CELSR3: variants seen among roughly 807,000 people sequenced by gnomAD.
CELSR3 encodes cadherin EGF LAG seven-pass G-type receptor 3, also known as EGF-like protein 1.
Under a neutral mutation model 270.0 loss-of-function variants are expected in CELSR3, and 73 were observed. The observed-to-expected ratio is 0.27, with a 90% CI of 0.22 to 0.33. The LOEUF is 0.33. Among genes scored for constraint, CELSR3 ranks in the 10% least tolerant of loss-of-function variants. The pLI is 1.00. For missense variants in CELSR3, 3,614 were observed against 4,533.8 expected, an observed-to-expected ratio of 0.80 and a Z score of 5.83; for synonymous variants, 1,780 against 1,905.4, an observed-to-expected ratio of 0.93 and a Z score of 1.71.
intron 17 of CELSR3, 31 bp from the exon 18 acceptor site, chr3:48,648,959 G>A: frequency 1.9e-6 from 3 of 1,608,786 alleles, no homozygotes; most frequent in Non-Finnish European, 2.5e-6. Flanking sequence ...TTGCTCTGTG[G>A]TCCCTTAGGC....
At position 48,642,854 on chromosome 3, in the gene CELSR3, A is replaced by G. The variant is rs2047041809; in HGVS notation, c.8437T>C (p.Phe2813Leu). The part of the protein sequence containing the change: ...GPGAYNNTAL[F>L]EESGLIRITL... ...ATGCGGATGAGGCCACTCTCCTCAA[A>G]GAGAGCCGTGTTGTTGTAGGCCCCA... The change falls in exon 30 of 35, where the codon TTT (phenylalanine) becomes CTT (leucine). Residue 2813 changes from phenylalanine (F) to leucine (L), a missense_variant. Around this residue, in one of 7 missense-constraint regions of CELSR3, gnomAD observed 1,240 missense variants for 1,351.7 expected, o/e 0.92. Transcript: ENST00000164024. The surrounding 1 kb of genome is among the most constrained non-coding windows in gnomAD (Gnocchi z 6.1). The G allele has an allele frequency of 3.7e-6, 6 of 1,613,092 alleles. No individual in the cohort carries two copies. The highest frequency in any genetic ancestry group is 5.1e-6 in the Non-Finnish European group (6 of 1,179,952).
chr3:48,661,287 A>G lies in CELSR3; in HGVS notation c.1348T>C (p.Tyr450His). Reference sequence around the variant, plus strand: ...GTGGCACGCAGCTGCAGGATAGGGTAGCCCTCCTCCACATTCTCGCGAAGG... The same window carrying G: ...GTGGCACGCAGCTGCAGGATAGGGTGGCCCTCCTCCACATTCTCGCGAAGG... ...ETLRENVEEG[Y>H]PILQLRATDG... Residue 450 changes from tyrosine to histidine, a missense_variant, in exon 1 of 35, where the codon TAC (tyrosine) becomes CAC (histidine). Physicochemically the swap from Tyr to His is moderately conservative, Grantham distance 83. Around this residue, in one of 7 missense-constraint regions of CELSR3, gnomAD observed 354 missense variants for 500.9 expected, o/e 0.71. Transcript: ENST00000164024. 6.2e-7 allele frequency: 1 copy of G among 1,613,298 alleles called. No homozygotes were observed. The highest frequency in any genetic ancestry group is 8.5e-7 in the Non-Finnish European group (1 of 1,179,728).
In CELSR3 at chr3:48,641,442, G is replaced by T; in HGVS notation, c.8907C>A (p.Gly2969=). 6.2e-7 allele frequency: 1 copy of T among 1,612,460 alleles called. No individual in the cohort carries two copies. Among genetic ancestry groups the T allele is most frequent in the Non-Finnish European group, 8.5e-7 (1 of 1,179,724 alleles). Residue 2969 remains glycine (G), a synonymous_variant, in exon 33 of 35, where the codon GGC becomes GGA. Coordinates refer to ENST00000164024, the MANE Select transcript of CELSR3 (RefSeq NM_001407.3). This position sits in a 1 kb window ranked among gnomAD's most constrained non-coding sequence, Gnocchi z 4.8. ...TGTCCAGCCCCAGGCGCCTTTCAGA[G>T]CCCCAAGTCTGCAGAGCACAGGGGG... ...EAAPCALQTW[G]SERRLGLDTS...
At position 48,657,344 on chromosome 3, in the gene CELSR3, GC is replaced by G; in HGVS notation, c.3752del (p.Gly1251AlafsTer5). On this transcript the variant is annotated frameshift_variant, in exon 2 of 35. Transcript: ENST00000164024. LOFTEE classifies it high-confidence loss of function. The surrounding 1 kb of genome is among the most constrained non-coding windows in gnomAD (Gnocchi z 5.4). ...CACACTGCGCCGTCACGCTGTGCAGGCCATCTGCAGGCGGGGGCAGGGGCAG... is the reference window on the plus strand; with the variant it reads ...CACACTGCGCCGTCACGCTGTGCAGGCATCTGCAGGCGGGGGCAGGGGCAG... ...VASMLVTVTD[G>X]LHSVTAQCVL... 6.3e-7 allele frequency: 1 copy of G among 1,591,184 alleles called. No individual in the cohort carries two copies. Among genetic ancestry groups the G allele is most frequent in the South Asian group, 1.1e-5 (1 of 88,714 alleles).
At position 48,648,334 on chromosome 3, in the gene CELSR3, G is replaced by C. The variant is rs866612323; in HGVS notation, c.6905C>G (p.Ala2302Gly). The change falls in exon 19 of 35, where the codon GCA (alanine) becomes GGA (glycine). Residue 2302 changes from alanine (A) to glycine (G), a missense_variant. Transcript: ENST00000164024. ...AGLVRHLEEYAATLARNMELT... is the reference protein window; with the variant it reads ...AGLVRHLEEYGATLARNMELT... ...TTCCATATTCCTTGCGAGTGTGGCT[G>C]CATACTCCTCCAGGTGCCTCACCAG... The C allele has an allele frequency of 1.9e-6, 3 of 1,612,136 alleles. No homozygotes were observed. The African/African-American group carries it at 4.0e-5, about 22-fold the overall frequency.
In CELSR3 at chr3:48,640,493, C is replaced by G. The variant is rs1343083290; in HGVS notation, c.9092G>C (p.Trp3031Ser). The G allele has an allele frequency of 5.0e-6, 8 of 1,611,098 alleles. No homozygotes were observed. The highest frequency in any genetic ancestry group is 6.8e-6 in the Non-Finnish European group (8 of 1,179,290). ...GTGGCCCAAGGTGGCTGCACGGCAC[C>G]AGGACAGCTCAGGGGCACCTCGGGT... ...PQTRGAPELS[W>S]CRAATLGHRA... The change falls in exon 34 of 35, where the codon TGG becomes TCG. Residue 3031 changes from tryptophan to serine, a missense_variant. Transcript: ENST00000164024. This position sits in a 1 kb window ranked among gnomAD's most constrained non-coding sequence, Gnocchi z 7.5.
Position 48,641,431 on chromosome 3 carries a change from C to T in CELSR3, c.8918G>A (p.Arg2973His), listed in dbSNP as rs201433524. ...ATCCTTGCTGGTGTCCAGCCCCAGG[C>T]GCCTTTCAGAGCCCCAAGTCTGCAG... ...CALQTWGSER[R>H]LGLDTSKDAA... The change falls in exon 33 of 35, where the codon CGC becomes CAC. Residue 2973 changes from arginine to histidine, a missense_variant. Coordinates refer to ENST00000164024, the MANE Select transcript of CELSR3 (RefSeq NM_001407.3). This position sits in a 1 kb window ranked among gnomAD's most constrained non-coding sequence, Gnocchi z 4.8. 51 of 1,612,498 alleles carry T rather than the reference C, an allele frequency of 3.2e-5. No homozygotes were observed. The highest frequency in any genetic ancestry group is 3.3e-5 in the Admixed American group (2 of 60,016).
rs2047055751 is a variant in CELSR3 at position 48,644,107 on chromosome 3, C to A, written c.8165+109G>T. ...GGCAGGTGTGACTTCATTCCTTCAT[C>A]TAGAACTTGGAGCCCAACCTGCACC... On this transcript the variant is annotated intron_variant, in intron 27 of 34. Transcript: ENST00000164024. The surrounding 1 kb of genome is among the most constrained non-coding windows in gnomAD (Gnocchi z 4.8). 2 of 880,594 alleles carry A rather than the reference C, an allele frequency of 2.3e-6. No individual in the cohort carries two copies. Among genetic ancestry groups the A allele is most frequent in the Non-Finnish European group, 3.6e-6 (2 of 552,254 alleles). The allele number at this position is 880,594 out of a possible 1,614,324, so 54.5% of individuals were successfully genotyped here. A position where few individuals can be genotyped will look rare whatever the true frequency, so the allele number is the denominator to read the frequency against.
At chr3:48,648,071 G>A (rs561882139) in intron 19 of CELSR3, 75 bp from the exon 20 acceptor site, 61 of 1,552,498 alleles carry the variant, frequency 3.9e-5, no homozygotes, top group Middle Eastern at 1.7e-4. Context: ...CCTCTTACTC[G>A]CATCCCGCAC....
chr3:48,653,781 G>A lies in CELSR3; in HGVS notation c.5286C>T (p.Ala1762=). ...CGTTGCCACGGAAATGGTGGGGATGGGCCATAGCTGAGTGGATAAGAGAAA... is the reference window on the plus strand; with the variant it reads ...CGTTGCCACGGAAATGGTGGGGATGAGCCATAGCTGAGTGGATAAGAGAAA... The part of the protein sequence containing the change: ...FGGKDCQLTM[A]HPHHFRGNGT... The change falls in exon 9 of 35, where the codon GCC becomes GCT. Residue 1762 remains alanine, a synonymous_variant. Transcript: ENST00000164024. The surrounding 1 kb of genome is among the most constrained non-coding windows in gnomAD (Gnocchi z 6.5). The A allele has an allele frequency of 6.2e-7, 1 of 1,614,122 alleles. No individual in the cohort carries two copies. Among genetic ancestry groups the A allele is most frequent in the East Asian group, 2.2e-5 (1 of 44,884 alleles).
Position 48,639,611 on chromosome 3 carries a change from A to C in CELSR3, c.9911+63T>G. ...CCCCTTCTGTGGCAGAACACAGGGC[A>C]GGGCACACAGGAGGTTGCCCTAAGC... is the stretch of plus-strand genomic sequence containing the variant. On this transcript the variant is annotated intron_variant, in intron 34 of 34. Coordinates refer to ENST00000164024, the MANE Select transcript of CELSR3 (RefSeq NM_001407.3). The surrounding 1 kb of genome is among the most constrained non-coding windows in gnomAD (Gnocchi z 4.1). 6.3e-7 allele frequency: 1 copy of C among 1,579,714 alleles called. No homozygotes were observed. Among genetic ancestry groups the C allele is most frequent in the Non-Finnish European group, 8.6e-7 (1 of 1,159,776 alleles).
rs564290921 is a variant in CELSR3 at position 48,657,180 on chromosome 3, G to A, written c.3917C>T (p.Pro1306Leu). The change falls in exon 2 of 35, where the codon CCC becomes CTC. Residue 1306 changes from proline to leucine, a missense_variant. This residue lies in a region of CELSR3 where 1,331 missense variants were observed against 1,933.7 expected (regional missense o/e 0.69). Coordinates refer to ENST00000164024, the MANE Select transcript of CELSR3 (RefSeq NM_001407.3). The surrounding 1 kb of genome is among the most constrained non-coding windows in gnomAD (Gnocchi z 5.4). ...LEGVAAVLAT[P>L]AEDVFIFNIQ... Reference sequence around the variant, plus strand: ...GTTGAAGATGAAGACGTCCTCAGCGGGCGTAGCGAGCACCGCAGCCACGCC... The same window carrying A: ...GTTGAAGATGAAGACGTCCTCAGCGAGCGTAGCGAGCACCGCAGCCACGCC... The A allele has an allele frequency of 1.3e-4, 209 of 1,613,986 alleles. 1 individual carries two copies. In the South Asian group the frequency reaches 2.2e-3, roughly 17 times the overall value.
rs752492801 is a variant in CELSR3 at position 48,645,601 on chromosome 3, C to T, written c.7639G>A (p.Val2547Met). The T allele has an allele frequency of 5.6e-6, 9 of 1,612,302 alleles. No individual in the cohort carries two copies. The highest frequency in any genetic ancestry group is 1.7e-5 in the Admixed American group (1 of 59,996). The part of the protein sequence containing the change: ...ELLAVFTHVV[V>M]AVSVAALVLT... ...ACCAGCGCAGCCACAGACACAGCCA[C>T]GACCACGTGGGTGAACACAGCCAGC... Residue 2547 changes from valine to methionine, a missense_variant, in exon 24 of 35, where the codon GTG (valine) becomes ATG (methionine). Around this residue, in one of 7 missense-constraint regions of CELSR3, gnomAD observed 1,240 missense variants for 1,351.7 expected, o/e 0.92. Coordinates refer to ENST00000164024, the MANE Select transcript of CELSR3 (RefSeq NM_001407.3). The surrounding 1 kb of genome is among the most constrained non-coding windows in gnomAD (Gnocchi z 5.4).
In CELSR3 at chr3:48,641,192, G is replaced by A. The variant is rs1045655120; in HGVS notation, c.9025+132C>T. The A allele has an allele frequency of 4.4e-6, 3 of 689,276 alleles. No individual in the cohort carries two copies. The African/African-American group carries it at 5.4e-5, about 12-fold the overall frequency. The allele number at this position is 689,276 out of a possible 1,614,324, so 42.7% of individuals were successfully genotyped here. A position where few individuals can be genotyped will look rare whatever the true frequency, so the allele number is the denominator to read the frequency against. ...TCCCTGAGGACCGTGAAGCAGGCTA[G>A]AGAAGCAGAAGCGCCCTAGGTCAGA... On this transcript the variant is annotated intron_variant, in intron 33 of 34. Coordinates refer to ENST00000164024, the MANE Select transcript of CELSR3 (RefSeq NM_001407.3). The surrounding 1 kb of genome is among the most constrained non-coding windows in gnomAD (Gnocchi z 4.8).
Position 48,659,393 on chromosome 3 carries a change from A to G in CELSR3, c.3242T>C (p.Ile1081Thr), listed in dbSNP as rs771008012. Reference sequence around the variant, plus strand: ...GATCTGGGCCACCACTGAGCCCACAATGCTATTCTCTTTCACCCGCACCTC... The same window carrying G: ...GATCTGGGCCACCACTGAGCCCACAGTGCTATTCTCTTTCACCCGCACCTC... ...EFEVRVKENS[I>T]VGSVVAQITA... The change falls in exon 1 of 35, where the codon ATT becomes ACT. Residue 1081 changes from isoleucine (I) to threonine (T), a missense_variant. Ile to Thr is a moderately conservative substitution (Grantham distance 89, BLOSUM62 -1). Around this residue, in one of 7 missense-constraint regions of CELSR3, gnomAD observed 1,331 missense variants for 1,933.7 expected, o/e 0.69. Coordinates refer to ENST00000164024, the MANE Select transcript of CELSR3 (RefSeq NM_001407.3). The surrounding 1 kb of genome is among the most constrained non-coding windows in gnomAD (Gnocchi z 8.1). 2.5e-6 allele frequency: 4 copies of G among 1,613,998 alleles called. No individual in the cohort carries two copies. The highest frequency in any genetic ancestry group is 1.3e-5 in the African/African-American group (1 of 74,912).
chr3:48,652,087 AG>A lies in CELSR3; in HGVS notation c.5752-40del, dbSNP rs746060759. The A allele has an allele frequency of 6.7e-7, 1 of 1,489,324 alleles. No individual in the cohort carries two copies. Among genetic ancestry groups the A allele is most frequent in the Non-Finnish European group, 8.9e-7 (1 of 1,122,962 alleles). The allele number at this position is 1,489,324 out of a possible 1,614,324, so 92.3% of individuals were successfully genotyped here. A position where few individuals can be genotyped will look rare whatever the true frequency, so the allele number is the denominator to read the frequency against. ...GCCAGCAAGGGGTGAGACCATGTTA[AG>A]GCACCTCAGCCTCAAGTACTGCAGA... On this transcript the variant is annotated intron_variant, in intron 11 of 34. Transcript: ENST00000164024. The surrounding 1 kb of genome is among the most constrained non-coding windows in gnomAD (Gnocchi z 4.3).
Position 48,640,847 on chromosome 3 carries a change from GCAGCCCT to G in CELSR3, c.9026-295_9026-289del, listed in dbSNP as rs1206454232. The stretch of plus-strand genomic sequence containing the variant: ...CAAACTCCCTGAGGTCAGAAGAGGG[GCAGCCCT>G]CAGGTCCTGACAATGCAGGCCTGGC... On this transcript the variant is annotated intron_variant, in intron 33 of 34. Transcript: ENST00000164024. The surrounding 1 kb of genome is among the most constrained non-coding windows in gnomAD (Gnocchi z 7.5). 1.9e-6 allele frequency: 1 copy of G among 513,104 alleles called. No individual in the cohort carries two copies. Among genetic ancestry groups the G allele is most frequent in the Non-Finnish European group, 3.4e-6 (1 of 290,070 alleles). The allele number at this position is 513,104 out of a possible 1,614,324, so 31.8% of individuals were successfully genotyped here.
chr3:48,662,486 G>C lies in CELSR3; in HGVS notation c.149C>G (p.Thr50Arg), dbSNP rs1281504424. The change falls in exon 1 of 35, where the codon ACG becomes AGG. Residue 50 changes from threonine (T) to arginine (R), a missense_variant. By Grantham distance (71) the Thr-to-Arg change is moderately conservative. Transcript: ENST00000164024. This position sits in a 1 kb window ranked among gnomAD's most constrained non-coding sequence, Gnocchi z 7.1. ...QGWDPGLAAT[T>R]GPRAHIGGGA... is the part of the protein sequence containing the mutation. ...GCCACCGATATGCGCCCTTGGCCCC[G>C]TAGTGGCAGCTAAGCCTGGGTCCCA... The C allele has an allele frequency of 6.2e-7, 1 of 1,612,636 alleles. No homozygotes were observed. Among genetic ancestry groups the C allele is most frequent in the South Asian group, 1.1e-5 (1 of 91,048 alleles).
Position 48,639,743 on chromosome 3 carries a change from G to C in CELSR3, c.9842C>G (p.Ser3281Cys). The C allele has an allele frequency of 6.2e-7, 1 of 1,613,758 alleles. No homozygotes were observed. Among genetic ancestry groups the C allele is most frequent in the Non-Finnish European group, 8.5e-7 (1 of 1,179,968 alleles). Residue 3281 changes from serine (S) to cysteine (C), a missense_variant, in exon 34 of 35, where the codon TCT (serine) becomes TGT (cysteine). Ser to Cys is a moderately radical substitution (Grantham distance 112). Coordinates refer to ENST00000164024, the MANE Select transcript of CELSR3 (RefSeq NM_001407.3). The surrounding 1 kb of genome is among the most constrained non-coding windows in gnomAD (Gnocchi z 4.1). ...ACGTGGCGTGGAGGGCCCAAGCACA[G>C]AGGCTGTGGCAGAAGGTGTGGCAGT... ...HTTATPSATASVLGPSTPRSA... is the reference protein window; with the variant it reads ...HTTATPSATACVLGPSTPRSA...
Sources: gnomAD v4.1 joint callset for allele counts on GRCh38, gnomAD v4.1.1 for gene constraint, gnomAD v4.1.1 regional missense constraint, Gnocchi (gnomAD v3.1) non-coding constraint, MANE v1.5 for transcripts, NCBI Gene and HGNC (gene_info 2026-07-23, HGNC 2026-07-21) for gene names.